The following PTGFR variants were observed in gnomAD, a reference collection of about 807,000 sequenced individuals.
PTGFR encodes the protein prostaglandin F receptor, also known as prostaglandin F2-alpha receptor.
Under a neutral mutation model 26.2 loss-of-function variants are expected in PTGFR, and 15 were observed. The observed-to-expected ratio is 0.57, with a 90% CI of 0.38 to 0.88. The LOEUF (loss-of-function observed/expected upper bound fraction) is 0.88. Ranked by LOEUF, PTGFR falls within the 40% of genes least tolerant of loss-of-function variation. The pLI, the probability that PTGFR is intolerant of heterozygous loss-of-function variation, is 0.00. For missense variants in PTGFR, 369 were observed against 427.2 expected (o/e 0.86, Z 1.20); for synonymous variants, 165 against 151.1 (o/e 1.09, Z -0.68).
In PTGFR at chr1:78,506,177, C is replaced by T. The variant is rs149933998; in HGVS notation, c.798+12636C>T. On this transcript the variant is annotated intron_variant, in intron 2 of 2. Coordinates refer to ENST00000370757, the MANE Select transcript of PTGFR (RefSeq NM_000959.4). ...ACGTGCGAGTGTCCCAATTATTCCA[C>T]AGTTTTTGCCAACACTTTTTATTTT... Among the ~76,000 whole-genome samples, 7 of 152,142 alleles carry T rather than the reference C, an allele frequency of 4.6e-5. No individual in the cohort carries two copies. The South Asian group carries it at 1.5e-3, about 32-fold the overall frequency.
At chr1:78,528,207 T>C (rs1650419660) in intron 2 of PTGFR, among the ~76,000 whole-genome samples, 1 of 132,380 alleles carries the variant, frequency 7.6e-6, no homozygotes, top group African/African-American at 2.9e-5. Flanking sequence ...GACTTATAAC[T>C]AAGAAAGATG....
At chr1:78,518,326 T>C (rs1187221288) in intron 2 of PTGFR, among the ~76,000 whole-genome samples, 1 of 152,130 alleles carries the variant, frequency 6.6e-6, no homozygotes, top group Non-Finnish European at 1.5e-5. Flanking sequence ...TATAAAGTTA[T>C]GTATCTACAT....
intron 2 of PTGFR, among the ~76,000 whole-genome samples, chr1:78,514,992 C>A (rs1285800276): frequency 1.3e-5 from 2 of 152,056 alleles, no homozygotes; most frequent in Non-Finnish European, 2.9e-5. Flanking sequence ...GTACAGCCTG[C>A]AAAACGGTGA....
chr1:78,530,368 G>T (rs954913813), intron 2 of PTGFR, among the ~76,000 whole-genome samples: 40 of 152,102 alleles, frequency 2.6e-4, no homozygotes, highest in African/African-American at 9.4e-4. Flanking sequence ...ATTAGTACCA[G>T]TTCCTACTTT....
At chr1:78,505,742 A>G (rs75987637) in intron 2 of PTGFR, among the ~76,000 whole-genome samples, 2,866 of 152,094 alleles carry the variant, frequency 0.019, 73 homozygotes, top group South Asian at 0.058. Context: ...CTCTTTCTGG[A>G]TTTGTTTATT....
chr1:78,529,885 A>G (rs1031893396), intron 2 of PTGFR, among the ~76,000 whole-genome samples: 2 of 152,082 alleles, frequency 1.3e-5, no homozygotes, highest in African/African-American at 4.8e-5. Flanking sequence ...CACAAACCCT[A>G]CTGTGAACAC....
chr1:78,539,425 A>G lies in PTGFR; in HGVS notation c.*2738A>G, dbSNP rs1650738971. 6.6e-6 allele frequency: 1 copy of G among 152,496 alleles called. No homozygotes were observed. The highest frequency in any genetic ancestry group is 1.5e-5 in the Non-Finnish European group (1 of 67,980). 9.4% of individuals were successfully genotyped at this position (152,496 alleles called of 1,614,324 possible). ...CTGTATACCATCATTGTTCCAAATT[A>G]AATAACTGTTTTGGGTCAGAATATA... On this transcript the variant is annotated 3_prime_UTR_variant, in exon 3 of 3. Transcript: ENST00000370757.
intron 1 of PTGFR, 117 bp from the exon 2 acceptor site, chr1:78,492,555 T>C: frequency 1.8e-6 from 1 of 564,636 alleles, no homozygotes; most frequent in Non-Finnish European, 3.1e-6. Flanking sequence ...TGATGCAACC[T>C]TGCTTATGAT....
intron 2 of PTGFR, among the ~76,000 whole-genome samples, chr1:78,521,749 T>C (rs1650248082): frequency 6.6e-6 from 1 of 152,088 alleles, no homozygotes. Flanking sequence ...GTGGGCACTC[T>C]TGTCTTGTTC....
rs1313634897 is a variant in PTGFR, at chr1:78,538,502, A to T, written c.*1815A>T. ...GGTAACCAAATTGGTCTTAAAAATG[A>T]TGTTAACCCAAGAAGTAGACATCAA... On this transcript the variant is annotated 3_prime_UTR_variant, in exon 3 of 3. Transcript: ENST00000370757. The T allele has an allele frequency of 1.3e-5, 2 of 151,496 alleles. No individual in the cohort carries two copies. The highest frequency in any genetic ancestry group is 2.9e-5 in the Non-Finnish European group (2 of 67,892). The allele number at this position is 151,496 out of a possible 1,614,324, so 9.4% of individuals were successfully genotyped here.
chr1:78,515,644 T>G (rs1033974881), intron 2 of PTGFR, among the ~76,000 whole-genome samples: 1 of 152,224 alleles, frequency 6.6e-6, no homozygotes, highest in African/African-American at 2.4e-5. Flanking sequence ...ACATGTAATA[T>G]TCTCCAAGAA....
intron 2 of PTGFR, among the ~76,000 whole-genome samples, chr1:78,527,119 GCTT>G (rs1227900348): frequency 6.6e-6 from 1 of 152,084 alleles, no homozygotes; most frequent in Non-Finnish European, 1.5e-5. Context: ...AAGATGAAAT[GCTT>G]CTTAAAAGAC....
At position 78,493,185 on chromosome 1, in the gene PTGFR, A is replaced by G. The variant is rs372903767; in HGVS notation, c.442A>G (p.Thr148Ala). ...TKPIFHSTKI[T>A]SKHVKMMLSG... ...ACCAATATTTCATTCTACGAAAATT[A>G]CATCCAAACATGTGAAAATGATGTT... The change falls in exon 2 of 3, where the codon ACA (threonine) becomes GCA (alanine). Residue 148 changes from threonine to alanine, a missense_variant. Thr to Ala is a moderately conservative substitution (Grantham distance 58, BLOSUM62 0). Coordinates refer to ENST00000370757, the MANE Select transcript of PTGFR (RefSeq NM_000959.4). 4.8e-5 allele frequency: 77 copies of G among 1,614,112 alleles called. No homozygotes were observed. The highest frequency in any genetic ancestry group is 5.8e-5 in the Non-Finnish European group (69 of 1,180,052).
chr1:78,540,312 T>C lies in PTGFR; in HGVS notation c.*3625T>C, dbSNP rs1205774626. ...CAGGGGGCAGCTAAGTGCAATACTA[T>C]ATGTTAGGAAAACGGAAACTAATTT... On this transcript the variant is annotated 3_prime_UTR_variant, in exon 3 of 3. Transcript: ENST00000370757. 6.6e-6 allele frequency among the ~76,000 whole-genome samples: 1 copy of C among 152,166 alleles called. No homozygotes were observed. The highest frequency in any genetic ancestry group is 2.4e-5 in the African/African-American group (1 of 41,464).
chr1:78,535,299 A>G (rs1042668948), intron 2 of PTGFR, among the ~76,000 whole-genome samples: 1 of 152,052 alleles, frequency 6.6e-6, no homozygotes, highest in Non-Finnish European at 1.5e-5. Flanking sequence ...GATGAGAGAG[A>G]TGAGATTATA....
In PTGFR at chr1:78,493,399, G is replaced by A. The variant is rs1649466076; in HGVS notation, c.656G>A (p.Cys219Tyr). ...GLLALGVSLLCNAITGITLLR... is the reference protein window; with the variant it reads ...GLLALGVSLLYNAITGITLLR... ...TTAGCCCTTGGTGTTTCATTGTTGT[G>A]CAATGCAATCACAGGAATTACACTT... The change falls in exon 2 of 3, where the codon TGC becomes TAC. Residue 219 changes from cysteine to tyrosine, a missense_variant. By Grantham distance (194) the Cys-to-Tyr change is radical. Coordinates refer to ENST00000370757, the MANE Select transcript of PTGFR (RefSeq NM_000959.4). The A allele has an allele frequency of 1.2e-5, 19 of 1,613,690 alleles. No homozygotes were observed. Among genetic ancestry groups the A allele is most frequent in the Non-Finnish European group, 1.3e-5 (15 of 1,179,878 alleles).
At chr1:78,532,038 G>A (rs1189116487) in intron 2 of PTGFR, among the ~76,000 whole-genome samples, 1 of 152,012 alleles carries the variant, frequency 6.6e-6, no homozygotes, top group African/African-American at 2.4e-5. Flanking sequence ...GATGGGACAA[G>A]GGTAGGAGGA....
At chr1:78,530,473 A>T (rs572998488) in intron 2 of PTGFR, among the ~76,000 whole-genome samples, 4 of 152,330 alleles carry the variant, frequency 2.6e-5, no homozygotes, top group Non-Finnish European at 5.9e-5. Context: ...GGCAGATGGA[A>T]CTAGAATCAT....
At chr1:78,502,967 G>A (rs1001852367) in intron 2 of PTGFR, among the ~76,000 whole-genome samples, 2 of 152,082 alleles carry the variant, frequency 1.3e-5, no homozygotes, top group African/African-American at 4.8e-5. Flanking sequence ...ATTCGTGACA[G>A]CTTATGAAAA....
Sources: gnomAD v4.1 joint callset for allele counts (sites outside exome capture counted in the v4.1 genomes callset) on GRCh38, gnomAD v4.1.1 for gene constraint, MANE v1.5 for transcripts, NCBI Gene and HGNC (gene_info 2026-07-23, HGNC 2026-07-21) for gene names.